Variants in MKX observed in about 807,000 individuals in gnomAD.
The protein encoded by MKX is mohawk homeobox.
MKX carries 13 observed loss-of-function variants against 36.0 expected under a neutral mutation model. The observed-to-expected ratio is 0.36, with a 90% confidence interval of 0.24 to 0.57. MKX has a LOEUF of 0.57. Among genes scored for constraint, MKX ranks in the 20% least tolerant of loss-of-function variants. MKX has a pLI of 0.79. For synonymous variants in MKX, 176 were observed against 178.3 expected, an observed-to-expected ratio of 0.99 and a Z score of 0.10; for missense variants, 458 against 456.4, an observed-to-expected ratio of 1.00 and a Z score of -0.03.
intron 5 of MKX, among the ~76,000 whole-genome samples, chr10:27,731,160 A>G (rs1189168951): frequency 6.6e-6 from 1 of 151,808 alleles, no homozygotes; most frequent in African/African-American, 2.4e-5. Context: ...AGGAAAAAAG[A>G]AAAGTTCCTC....
intron 5 of MKX, among the ~76,000 whole-genome samples, chr10:27,677,293 T>C (rs1228872704): frequency 6.6e-6 from 1 of 152,158 alleles, no homozygotes; most frequent in Non-Finnish European, 1.5e-5. Flanking sequence ...GTCCTCTCCC[T>C]TCCTTTTACG....
intron 3 of MKX, among the ~76,000 whole-genome samples, chr10:27,738,631 T>C (rs995920685): frequency 8.5e-5 from 13 of 152,198 alleles, no homozygotes; most frequent in African/African-American, 3.1e-4. Context: ...TATCTATCTA[T>C]CTATCTCCCA....
intron 1 of MKX, 30 bp from the exon 2 acceptor site, chr10:27,743,527 A>G: frequency 8.4e-7 from 1 of 1,185,596 alleles, no homozygotes; most frequent in South Asian, 1.7e-5. Flanking sequence ...CTCGTTACTT[A>G]CTGGCTGAGA....
chr10:27,739,233 A>G (rs910526276), intron 3 of MKX, among the ~76,000 whole-genome samples: 4 of 152,114 alleles, frequency 2.6e-5, no homozygotes, highest in African/African-American at 7.2e-5. Context: ...GTGTATTTCT[A>G]TAGCATTTGA....
chr10:27,693,861 T>C (rs1323293376), intron 5 of MKX, among the ~76,000 whole-genome samples: 1 of 152,154 alleles, frequency 6.6e-6, no homozygotes, highest in Non-Finnish European at 1.5e-5. Context: ...TCTTGAATTG[T>C]AGCTCCCACA....
chr10:27,713,452 A>AT (rs777910778), intron 5 of MKX, among the ~76,000 whole-genome samples: 3 of 152,144 alleles, frequency 2.0e-5, no homozygotes, highest in Non-Finnish European at 2.9e-5. Flanking sequence ...TCCGTAAATG[A>AT]TTTTTTTATT....
intron 5 of MKX, among the ~76,000 whole-genome samples, chr10:27,679,414 C>T (rs1907370): frequency 0.25 from 37,402 of 151,968 alleles, 4,966 homozygotes; most frequent in Middle Eastern, 0.3. Context: ...GGTGGGCAGT[C>T]TCTGTGTTCA....
chr10:27,729,729 T>C (rs747820149), intron 5 of MKX, among the ~76,000 whole-genome samples: 4 of 152,216 alleles, frequency 2.6e-5, no homozygotes, highest in Admixed American at 6.5e-5. Flanking sequence ...AAGACTTGCC[T>C]GATTTACTCT....
chr10:27,743,523 A>G, intron 1 of MKX, 26 bp from the exon 2 acceptor site: 1 of 1,213,372 alleles, frequency 8.2e-7, no homozygotes, highest in Non-Finnish European at 1.1e-6. Flanking sequence ...GCATCTCGTT[A>G]CTTACTGGCT....
chr10:27,703,051 T>C (rs1177272077), intron 5 of MKX, among the ~76,000 whole-genome samples: 1 of 152,182 alleles, frequency 6.6e-6, no homozygotes, highest in Non-Finnish European at 1.5e-5. Context: ...AATTTGCTCA[T>C]CGTTCAAAAA....
intron 5 of MKX, among the ~76,000 whole-genome samples, chr10:27,677,303 G>T (rs2492910): frequency 6.6e-6 from 1 of 151,706 alleles, no homozygotes; most frequent in Non-Finnish European, 1.5e-5. Context: ...TTCCTTTTAC[G>T]CCCCCTGCCC....
Position 27,726,937 on chromosome 10 carries a change from C to T in MKX, c.838+7519G>A, listed in dbSNP as rs559351424. Among the ~76,000 whole-genome samples the T allele has an allele frequency of 1.6e-4, 25 of 152,076 alleles. No individual in the cohort carries two copies. In the South Asian group the frequency reaches 3.3e-3, roughly 20 times the overall value. On this transcript the variant is annotated intron_variant, in intron 5 of 6. Coordinates refer to ENST00000419761, the MANE Select transcript of MKX (RefSeq NM_173576.3). ...TTATAGAGTAAATACGTGAAAGACA[C>T]GGTAATAAGCACTAGGGGAATTATA... is the stretch of plus-strand genomic sequence containing the variant.
At position 27,675,111 on chromosome 10, in the gene MKX, A is replaced by G; in HGVS notation, c.*118T>C. The G allele has an allele frequency of 1.1e-6, 1 of 892,216 alleles. No homozygotes were observed. The highest frequency in any genetic ancestry group is 1.7e-6 in the Non-Finnish European group (1 of 599,042). The allele number at this position is 892,216 out of a possible 1,614,324, so 55.3% of individuals were successfully genotyped here. A position where few individuals can be genotyped will look rare whatever the true frequency, so the allele number is the denominator to read the frequency against. Reference sequence around the variant, plus strand: ...GCAACTAAATGATATATTTGGGATAATTAAAAATAAGAAGAGGTTTGGGAG... The same window carrying G: ...GCAACTAAATGATATATTTGGGATAGTTAAAAATAAGAAGAGGTTTGGGAG... On this transcript the variant is annotated 3_prime_UTR_variant, in exon 7 of 7. Coordinates refer to ENST00000419761, the MANE Select transcript of MKX (RefSeq NM_173576.3).
At chr10:27,728,840 T>A (rs2637298) in intron 5 of MKX, among the ~76,000 whole-genome samples, 144,616 of 152,236 alleles carry the variant, frequency 0.95, 68,715 homozygotes, top group East Asian at 1. Context: ...CCAAGAAAAA[T>A]GGTTTGGAGA....
intron 4 of MKX, 33 bp downstream of exon 4, chr10:27,735,188 A>G: frequency 1.3e-6 from 2 of 1,515,906 alleles, no homozygotes; most frequent in Non-Finnish European, 1.8e-6. Context: ...ATAGAGGCAA[A>G]ACAAAGAAAG....
At chr10:27,735,731 A>ATCTTTCCTTT (rs1834753823) in intron 3 of MKX, among the ~76,000 whole-genome samples, 1 of 152,222 alleles carries the variant, frequency 6.6e-6, no homozygotes, top group Non-Finnish European at 1.5e-5. Flanking sequence ...CAAAGGAAAG[A>ATCTTTCCTTT]GGGGTTACTT....
intron 5 of MKX, among the ~76,000 whole-genome samples, chr10:27,686,678 T>C (rs535620630): frequency 6.6e-6 from 1 of 152,144 alleles, no homozygotes; most frequent in Non-Finnish European, 1.5e-5. Flanking sequence ...GGTTTCATCA[T>C]GTTGGCCAGG....
At chr10:27,704,747 G>T (rs1836719616) in intron 5 of MKX, among the ~76,000 whole-genome samples, 1 of 152,010 alleles carries the variant, frequency 6.6e-6, no homozygotes, top group Non-Finnish European at 1.5e-5. Flanking sequence ...TGAGACCATA[G>T]AAATCCTTGA....
intron 5 of MKX, among the ~76,000 whole-genome samples, chr10:27,698,910 G>A (rs1159312881): frequency 5.3e-5 from 8 of 152,094 alleles, no homozygotes; most frequent in Non-Finnish European, 4.4e-5. Context: ...TCTAACCACA[G>A]TATAATATCT....
Sources: gnomAD v4.1 joint callset for allele counts (sites outside exome capture counted in the v4.1 genomes callset) on GRCh38, gnomAD v4.1.1 for gene constraint, MANE v1.5 for transcripts, NCBI Gene and HGNC (gene_info 2026-07-23, HGNC 2026-07-21) for gene names.